SEMA3A: variants seen among roughly 807,000 people sequenced by gnomAD.
SEMA3A encodes semaphorin 3A.
A neutral mutation model predicts 97.9 loss-of-function variants in SEMA3A; 29 were observed. That is an observed-to-expected ratio of 0.30 (90% CI 0.22 to 0.40). The LOEUF (loss-of-function observed/expected upper bound fraction) is 0.40. SEMA3A is among the 10% of genes least tolerant of loss of function. The pLI, the probability that SEMA3A is intolerant of heterozygous loss-of-function variation, is 1.00. For missense variants in SEMA3A, 763 were observed against 951.3 expected (o/e 0.80, Z 2.60); for synonymous variants, 321 against 323.7 (o/e 0.99, Z 0.09).
rs1167088859 is a variant in SEMA3A at position 83,985,604 on chromosome 7, C to T, written c.1453-127G>A. 6.1e-5 allele frequency: 45 copies of T among 735,010 alleles called. No homozygotes were observed. In the South Asian group the frequency reaches 7.3e-4, roughly 12 times the overall value. 45.5% of individuals were successfully genotyped at this position (735,010 alleles called of 1,614,324 possible). On this transcript the variant is annotated intron_variant, in intron 12 of 16. Transcript: ENST00000265362. ...TCAGTGTCCACAAGAAGCAATGTGA[C>T]TGGGAAATAAGACACATAAAGAAAC...
chr7:84,033,683 C>T (rs954299289), intron 6 of SEMA3A, among the ~76,000 whole-genome samples: 8 of 152,094 alleles, frequency 5.3e-5, no homozygotes, highest in African/African-American at 9.7e-5. Flanking sequence ...ACTTTTATGT[C>T]GCTTTTAATA....
rs556661995 is a variant in SEMA3A, at chr7:84,131,899, C to T, written c.271-2714G>A. On this transcript the variant is annotated intron_variant, in intron 2 of 16. Transcript: ENST00000265362. ...GCTTGACCTCCAGGGCAATGATTGT[C>T]CTGCCGCAGCCTTTAGGCTAGCTGT... Among the ~76,000 whole-genome samples, 4 of 152,248 alleles carry T rather than the reference C, an allele frequency of 2.6e-5. No homozygotes were observed. The South Asian group carries it at 8.3e-4, about 32-fold the overall frequency.
intron 6 of SEMA3A, among the ~76,000 whole-genome samples, chr7:84,040,410 A>G (rs1204439526): frequency 6.6e-6 from 1 of 152,040 alleles, no homozygotes; most frequent in African/African-American, 2.4e-5. Context: ...CCCCATTCAT[A>G]GCTTCAATAG....
chr7:84,424,471 C>T (rs1264240006), intron 1 of SEMA3A, among the ~76,000 whole-genome samples: 8 of 93,792 alleles, frequency 8.5e-5, no homozygotes, highest in Non-Finnish European at 1.4e-4. Context: ...ATTTAATATA[C>T]AATATATAAT....
chr7:84,365,077 A>G (rs1304009969), intron 2 of SEMA3A, among the ~76,000 whole-genome samples: 4 of 151,608 alleles, frequency 2.6e-5, no homozygotes, highest in Non-Finnish European at 1.5e-5. Context: ...ACAATTAAAT[A>G]ATAATAATTA....
intron 4 of SEMA3A, among the ~76,000 whole-genome samples, chr7:84,109,059 T>C (rs1346365442): frequency 6.6e-6 from 1 of 151,930 alleles, no homozygotes; most frequent in Non-Finnish European, 1.5e-5. Context: ...ATCTTCAGAA[T>C]ATAGAAAAGT....
intron 6 of SEMA3A, among the ~76,000 whole-genome samples, chr7:84,027,944 C>T (rs1179754098): frequency 6.6e-6 from 1 of 152,048 alleles, no homozygotes; most frequent in Non-Finnish European, 1.5e-5. Flanking sequence ...ATGTGTTTAC[C>T]ACCAAAAATC....
At chr7:84,024,011 CAAAA>C (rs397890179) in intron 6 of SEMA3A, among the ~76,000 whole-genome samples, 1 of 113,692 alleles carries the variant, frequency 8.8e-6, no homozygotes. Flanking sequence ...GACTCCGTCT[CAAAA>C]AAAAAAAAAA....
chr7:84,358,267 C>G (rs921080602), intron 2 of SEMA3A, among the ~76,000 whole-genome samples: 2 of 152,048 alleles, frequency 1.3e-5, no homozygotes, highest in East Asian at 3.9e-4. Flanking sequence ...TTTATGGTTT[C>G]AGGTCTAACA....
intron 1 of SEMA3A, among the ~76,000 whole-genome samples, chr7:84,468,953 G>C (rs1246254785): frequency 7.4e-6 from 1 of 134,680 alleles, no homozygotes; most frequent in Admixed American, 7.9e-5. Flanking sequence ...AAAAGCATAG[G>C]TGATTTTCTT....
chr7:84,417,463 A>G (rs183407235), intron 1 of SEMA3A, among the ~76,000 whole-genome samples: 52 of 152,214 alleles, frequency 3.4e-4, no homozygotes, highest in Admixed American at 2.9e-3. Context: ...AAATGTAAAT[A>G]TATTTCTTCA....
rs556461263 is a variant in SEMA3A, at chr7:84,454,061, T to C, written c.-246+38399A>G. Among the ~76,000 whole-genome samples the C allele has an allele frequency of 5.9e-5, 9 of 152,318 alleles. No homozygotes were observed. The East Asian group carries it at 1.7e-3, about 29-fold the overall frequency. Reference sequence around the variant, plus strand: ...CTGTGCTGCAATTATTTACAGTACATGGAGATGTAATTTGTTAAAATATTC... The same window carrying C: ...CTGTGCTGCAATTATTTACAGTACACGGAGATGTAATTTGTTAAAATATTC... On this transcript the variant is annotated intron_variant, in intron 1 of 3. Coordinates refer to the SEMA3A transcript ENST00000424555.
chr7:84,189,565 A>G (rs1797979480), intron 1 of SEMA3A, among the ~76,000 whole-genome samples: 1 of 151,748 alleles, frequency 6.6e-6, no homozygotes, highest in African/African-American at 2.4e-5. Flanking sequence ...AAAATACACA[A>G]TTTCTTACAG....
intron 1 of SEMA3A, among the ~76,000 whole-genome samples, chr7:84,393,942 T>G (rs1233997080): frequency 6.6e-6 from 1 of 152,128 alleles, no homozygotes; most frequent in Non-Finnish European, 1.5e-5. Flanking sequence ...AGCTAGAAAT[T>G]GTCATGTTGC....
At chr7:83,993,469 A>G (rs947164591) in intron 12 of SEMA3A, among the ~76,000 whole-genome samples, 1 of 150,874 alleles carries the variant, frequency 6.6e-6, no homozygotes, top group Non-Finnish European at 1.5e-5. Context: ...TTTCCTTTCC[A>G]TGTTTAGTGC....
At chr7:84,467,413 T>C (rs950496133) in intron 1 of SEMA3A, among the ~76,000 whole-genome samples, 3 of 151,230 alleles carry the variant, frequency 2.0e-5, no homozygotes, top group Admixed American at 2.0e-4. Context: ...TCTCAGCTAC[T>C]TGGGAGGCTG....
At chr7:84,107,600 G>A (rs542967280) in intron 4 of SEMA3A, among the ~76,000 whole-genome samples, 29 of 152,076 alleles carry the variant, frequency 1.9e-4, no homozygotes, top group Admixed American at 2.0e-4. Flanking sequence ...ATGCTCGGGC[G>A]GGAAGCTTTA....
At position 84,341,636 on chromosome 7, in the gene SEMA3A, G is replaced by A. The variant is rs534091; in HGVS notation, c.-169+30188C>T. Reference sequence around the variant, plus strand: ...ATCCCCTCTGTCTCTACTTCTGCCCGAACAGTATCTATCTAAGCCTTCAGC... The same window carrying A: ...ATCCCCTCTGTCTCTACTTCTGCCCAAACAGTATCTATCTAAGCCTTCAGC... On this transcript the variant is annotated intron_variant, in intron 2 of 3. Transcript: ENST00000424555. 5.9e-3 allele frequency among the ~76,000 whole-genome samples: 890 copies of A among 152,066 alleles called. 11 individuals carry two copies. The highest frequency in any genetic ancestry group is 0.02 in the African/African-American group (827 of 41,496).
intron 1 of SEMA3A, among the ~76,000 whole-genome samples, chr7:84,386,717 C>A (rs1225381344): frequency 1.3e-5 from 2 of 152,024 alleles, no homozygotes; most frequent in Admixed American, 6.6e-5. Context: ...AGTGCAGGTT[C>A]TTTTATAAAG....
Sources: allele counts gnomAD v4.1 joint callset (sites outside exome capture counted in the v4.1 genomes callset), GRCh38; gene constraint gnomAD v4.1.1; transcripts MANE v1.5; gene names NCBI Gene and HGNC (gene_info 2026-07-23, HGNC 2026-07-21).